Variants in ZNF521 observed in about 807,000 individuals in gnomAD.
ZNF521 encodes the protein LYST-interacting protein 3.
In ZNF521, 14 loss-of-function variants were observed where a neutral mutation model predicts 105.5. The observed-to-expected ratio is 0.13, with a 90% CI of 0.09 to 0.21. The LOEUF is 0.21. Ranked by LOEUF, ZNF521 falls within the 10% of genes least tolerant of loss-of-function variation. ZNF521 has a pLI of 1.00. For missense variants in ZNF521, 1,233 were observed against 1,629.7 expected (o/e 0.76, Z 4.19); for synonymous variants, 635 against 606.0 (o/e 1.05, Z -0.70).
chr18:25,253,269 G>A (rs1159047718), intron 3 of ZNF521, among the ~76,000 whole-genome samples: 1 of 152,110 alleles, frequency 6.6e-6, no homozygotes, highest in Non-Finnish European at 1.5e-5. Flanking sequence ...GTTGGTCCCT[G>A]GCACAAGCCC....
At chr18:25,290,387 C>T (rs996773967) in intron 3 of ZNF521, among the ~76,000 whole-genome samples, 1 of 151,964 alleles carries the variant, frequency 6.6e-6, no homozygotes, top group Non-Finnish European at 1.5e-5. Flanking sequence ...TGTTTTATTC[C>T]AAATTTAAAT....
chr18:25,089,142 A>C (rs1192046323), intron 7 of ZNF521, among the ~76,000 whole-genome samples: 1 of 152,188 alleles, frequency 6.6e-6, no homozygotes, highest in Non-Finnish European at 1.5e-5. Flanking sequence ...AACATGAATA[A>C]AACAGGATTT....
intron 3 of ZNF521, among the ~76,000 whole-genome samples, chr18:25,235,474 G>T: frequency 6.6e-6 from 1 of 152,120 alleles, no homozygotes; most frequent in Non-Finnish European, 1.5e-5. Context: ...ATTTCACCAC[G>T]TTAATGGTTT....
At chr18:25,079,009 G>C (rs931549835) in intron 7 of ZNF521, among the ~76,000 whole-genome samples, 2 of 152,192 alleles carry the variant, frequency 1.3e-5, no homozygotes, top group Non-Finnish European at 2.9e-5. Context: ...TTTAGACTGT[G>C]GCTTGCATCG....
chr18:25,221,508 C>A (rs547301082), intron 4 of ZNF521, among the ~76,000 whole-genome samples: 1 of 152,112 alleles, frequency 6.6e-6, no homozygotes, highest in East Asian at 1.9e-4. Flanking sequence ...TTGACCATAC[C>A]TATGTATCCA....
At chr18:25,268,257 A>C (rs970826548) in intron 3 of ZNF521, among the ~76,000 whole-genome samples, 13 of 152,188 alleles carry the variant, frequency 8.5e-5, no homozygotes, top group African/African-American at 3.1e-4. Context: ...AGAAACAAAC[A>C]AAGCCCCCAA....
At chr18:25,257,469 G>C (rs534595178) in intron 3 of ZNF521, among the ~76,000 whole-genome samples, 1 of 152,146 alleles carries the variant, frequency 6.6e-6, no homozygotes, top group South Asian at 2.1e-4. Context: ...TCCTTTCTTG[G>C]TAAGTTCAAA....
intron 2 of ZNF521, among the ~76,000 whole-genome samples, chr18:25,350,244 G>A (rs961679925): frequency 1.3e-5 from 2 of 152,130 alleles, no homozygotes; most frequent in Non-Finnish European, 2.9e-5. Flanking sequence ...AGGGGCGGCG[G>A]GGAGAAGTAG....
chr18:25,074,249 G>A (rs1404732457), intron 7 of ZNF521, among the ~76,000 whole-genome samples: 1 of 152,224 alleles, frequency 6.6e-6, no homozygotes, highest in Non-Finnish European at 1.5e-5. Flanking sequence ...TTCCTGCATG[G>A]AGAATGCAAT....
intron 5 of ZNF521, among the ~76,000 whole-genome samples, chr18:25,136,107 A>C (rs2034728428): frequency 6.6e-6 from 1 of 152,176 alleles, no homozygotes; most frequent in Non-Finnish European, 1.5e-5. Flanking sequence ...AAAATTTCGT[A>C]ATAATATATA....
chr18:25,351,456 GCC>G (rs67914033), intron 1 of ZNF521: 77,136 of 138,276 alleles, frequency 0.56, 21,403 homozygotes, highest in Middle Eastern at 0.62. Flanking sequence ...CAACAAATCC[GCC>G]CCCCCCCCCA....
chr18:25,342,431 G>GTTTT (rs869215138), intron 2 of ZNF521, among the ~76,000 whole-genome samples: 8 of 147,850 alleles, frequency 5.4e-5, no homozygotes, highest in South Asian at 2.2e-4. Context: ...TTGTTTGTTT[G>GTTTT]TTTTTTTTGA....
At chr18:25,087,320 T>A (rs1396450693) in intron 7 of ZNF521, among the ~76,000 whole-genome samples, 1 of 152,162 alleles carries the variant, frequency 6.6e-6, no homozygotes, top group African/African-American at 2.4e-5. Context: ...AAACCTGGAA[T>A]CTTGAAGGAT....
chr18:25,308,193 CAAAAAAAAAAA>C (rs756580169), intron 3 of ZNF521, among the ~76,000 whole-genome samples: 1 of 31,100 alleles, frequency 3.2e-5, no homozygotes, highest in Admixed American at 4.5e-4. Context: ...GACTGCATCT[CAAAAAAAAAAA>C]AAAAAAAAAA....
At chr18:25,284,068 C>T (rs545179604) in intron 3 of ZNF521, among the ~76,000 whole-genome samples, 144 of 152,206 alleles carry the variant, frequency 9.5e-4, no homozygotes, top group African/African-American at 3.3e-3. Flanking sequence ...CCCAGGAGGA[C>T]CCTGAGTAAA....
chr18:25,316,919 A>G (rs1025399822), intron 3 of ZNF521, among the ~76,000 whole-genome samples: 13 of 148,392 alleles, frequency 8.8e-5, no homozygotes, highest in Non-Finnish European at 1.5e-4. Context: ...CAATGACACG[A>G]TATCAGCTCA....
At chr18:25,287,910 TG>T (rs1910795074) in intron 3 of ZNF521, among the ~76,000 whole-genome samples, 1 of 152,224 alleles carries the variant, frequency 6.6e-6, no homozygotes. Context: ...CTGTCTACAA[TG>T]GACTTTCACA....
chr18:25,333,622 C>A (rs951927323), intron 2 of ZNF521, among the ~76,000 whole-genome samples: 1 of 152,058 alleles, frequency 6.6e-6, no homozygotes, highest in Non-Finnish European at 1.5e-5. Context: ...CAATTGCCTC[C>A]ACAGAAGGTA....
Position 25,220,785 on chromosome 18 carries a change from A to G in ZNF521, c.3573+3560T>C, listed in dbSNP as rs571397022. 6.2e-4 allele frequency among the ~76,000 whole-genome samples: 94 copies of G among 152,362 alleles called. 1 individual carries two copies. Among genetic ancestry groups the G allele is most frequent in the African/African-American group, 2.1e-3 (86 of 41,594 alleles). On this transcript the variant is annotated intron_variant, in intron 4 of 7. Coordinates refer to ENST00000361524, the MANE Select transcript of ZNF521 (RefSeq NM_015461.3). ...AAGAAGCACACTAGAAAAAGGAGGCAGAAGAATACGTGTTTCCAAAATCTA... is the reference window on the plus strand; with the variant it reads ...AAGAAGCACACTAGAAAAAGGAGGCGGAAGAATACGTGTTTCCAAAATCTA...
Sources: gnomAD v4.1 joint callset for allele counts (sites outside exome capture counted in the v4.1 genomes callset) on GRCh38, gnomAD v4.1.1 for gene constraint, MANE v1.5 for transcripts, NCBI Gene and HGNC (gene_info 2026-07-23, HGNC 2026-07-21) for gene names.